Variants in TBC1D12 observed in about 807,000 individuals in gnomAD.
TBC1D12 encodes the protein TBC1 domain family member 12.
In TBC1D12, 56 loss-of-function variants were observed where a neutral mutation model predicts 86.7. That is an observed-to-expected ratio of 0.65 (90% CI 0.52 to 0.81). The LOEUF is 0.81. TBC1D12 is among the 30% of genes least tolerant of loss of function. The pLI, the probability that TBC1D12 is intolerant of heterozygous loss-of-function variation, is 0.00. For synonymous variants in TBC1D12, 421 were observed against 411.7 expected (o/e 1.02, Z -0.27); for missense variants, 1,023 against 1,038.8 (o/e 0.98, Z 0.21).
At chr10:94,509,763 T>C (rs572484657) in intron 7 of TBC1D12, 1 of 259,932 alleles carries the variant, frequency 3.8e-6, no homozygotes, top group East Asian at 1.5e-4. Context: ...GATCTCTCTG[T>C]GTCCATAGCT....
intron 2 of TBC1D12, among the ~76,000 whole-genome samples, chr10:94,451,713 A>G (rs1397715045): frequency 1.3e-5 from 2 of 152,132 alleles, no homozygotes; most frequent in African/African-American, 4.8e-5. Context: ...AACAGGTGAT[A>G]TCTTATCTCT....
At chr10:94,476,432 G>A (rs2055989612) in intron 3 of TBC1D12, among the ~76,000 whole-genome samples, 2 of 152,132 alleles carry the variant, frequency 1.3e-5, no homozygotes, top group South Asian at 4.2e-4. Flanking sequence ...ACTTAGTTAT[G>A]AGAACATGTG....
intron 11 of TBC1D12, among the ~76,000 whole-genome samples, chr10:94,530,236 C>G (rs1244126109): frequency 6.6e-6 from 1 of 152,166 alleles, no homozygotes; most frequent in East Asian, 1.9e-4. Context: ...CCCCACTTCC[C>G]CCAACCAGAA....
chr10:94,454,661 T>G (rs553515093), intron 2 of TBC1D12, among the ~76,000 whole-genome samples: 6 of 152,330 alleles, frequency 3.9e-5, no homozygotes, highest in Non-Finnish European at 8.8e-5. Context: ...GGTAATGTGT[T>G]TTACATTTTA....
intron 6 of TBC1D12, among the ~76,000 whole-genome samples, chr10:94,506,466 C>G (rs527263792): frequency 2.0e-5 from 3 of 152,124 alleles, no homozygotes; most frequent in Non-Finnish European, 1.5e-5. Flanking sequence ...TTGGGCAAGA[C>G]GTATTTTTTC....
Position 94,498,866 on chromosome 10 carries a change from C to T in TBC1D12, c.1413-1355C>T, listed in dbSNP as rs141584068. On this transcript the variant is annotated intron_variant, in intron 5 of 12. Coordinates refer to ENST00000225235, the MANE Select transcript of TBC1D12 (RefSeq NM_015188.2). ...TCACCGCAACCCCGACCTCCCTGGGCTCAGGTGATCCTCCTGCCTCAGCCT... is the reference window on the plus strand; with the variant it reads ...TCACCGCAACCCCGACCTCCCTGGGTTCAGGTGATCCTCCTGCCTCAGCCT... Among the ~76,000 whole-genome samples, 538 of 151,956 alleles carry T rather than the reference C, an allele frequency of 3.5e-3. 2 individuals are homozygous for T. The highest frequency in any genetic ancestry group is 0.012 in the African/African-American group (487 of 41,450).
intron 2 of TBC1D12, among the ~76,000 whole-genome samples, chr10:94,448,037 A>G (rs1214852599): frequency 6.6e-6 from 1 of 151,910 alleles, no homozygotes; most frequent in East Asian, 1.9e-4. Flanking sequence ...TACACATGCC[A>G]TTTTCTGGTA....
intron 2 of TBC1D12, among the ~76,000 whole-genome samples, chr10:94,467,655 C>T (rs1207682760): frequency 6.6e-6 from 1 of 151,792 alleles, no homozygotes; most frequent in African/African-American, 2.4e-5. Context: ...CACTCCCCCT[C>T]TTTTTTTTAA....
In TBC1D12 at chr10:94,405,284, C is replaced by T. The variant is rs1275042376; in HGVS notation, c.971+1700C>T. ...AAGTTTTAGCAGGTTATACAATTAG[C>T]GTACATATTGTAGACATAAAGGCAC... On this transcript the variant is annotated intron_variant, in intron 1 of 12. Transcript: ENST00000225235. 4.6e-5 allele frequency among the ~76,000 whole-genome samples: 7 copies of T among 151,968 alleles called. No individual in the cohort carries two copies. In the South Asian group the frequency reaches 1.0e-3, roughly 23 times the overall value.
intron 1 of TBC1D12, among the ~76,000 whole-genome samples, chr10:94,407,008 G>C (rs72814658): frequency 1.3e-5 from 2 of 150,446 alleles, no homozygotes; most frequent in African/African-American, 4.9e-5. Flanking sequence ...TTCCCACTTC[G>C]TTCTTCTCTT....
At chr10:94,523,807 A>C (rs1037408444) in intron 11 of TBC1D12, among the ~76,000 whole-genome samples, 1 of 152,144 alleles carries the variant, frequency 6.6e-6, no homozygotes, top group Non-Finnish European at 1.5e-5. Flanking sequence ...TACAAAAAAT[A>C]AAAATAAAAA....
At position 94,441,975 on chromosome 10, in the gene TBC1D12, C is replaced by T; in HGVS notation, c.1051C>T (p.Pro351Ser). 6.2e-7 allele frequency: 1 copy of T among 1,613,216 alleles called. No homozygotes were observed. Among genetic ancestry groups the T allele is most frequent in the South Asian group, 1.1e-5 (1 of 91,016 alleles). Residue 351 changes from proline to serine, a missense_variant, in exon 2 of 13, where the codon CCT becomes TCT. Around this residue, in one of 2 missense-constraint regions of TBC1D12, gnomAD observed 628 missense variants for 531.1 expected, o/e 1.18. Transcript: ENST00000225235. Reference protein sequence around the residue: ...APGWKLFGKVPPRENLQKTSK... With the variant: ...APGWKLFGKVSPRENLQKTSK... ...TGGTTGGAAATTATTTGGTAAAGTCCCTCCTAGAGAGAATCTTCAGAAAAC... is the reference window on the plus strand; with the variant it reads ...TGGTTGGAAATTATTTGGTAAAGTCTCTCCTAGAGAGAATCTTCAGAAAAC...
intron 2 of TBC1D12, among the ~76,000 whole-genome samples, chr10:94,444,601 A>T (rs922834676): frequency 6.6e-6 from 1 of 152,200 alleles, no homozygotes; most frequent in African/African-American, 2.4e-5. Flanking sequence ...ATCTTTATAT[A>T]AACTAATGTT....
intron 1 of TBC1D12, among the ~76,000 whole-genome samples, chr10:94,430,743 T>TTGTATTAGTAGGCCTTTTCC (rs1350805001): frequency 6.6e-6 from 1 of 152,126 alleles, no homozygotes; most frequent in East Asian, 1.9e-4. Flanking sequence ...AGGGAAATGG[T>TTGTATTAGTAGGCCTTTTCC]TGTATTAGTA....
chr10:94,502,529 A>G (rs913410723), intron 6 of TBC1D12, among the ~76,000 whole-genome samples: 15 of 151,718 alleles, frequency 9.9e-5, no homozygotes, highest in African/African-American at 3.6e-4. Flanking sequence ...ACATAGCGAG[A>G]CCCCGTCTCT....
intron 2 of TBC1D12, among the ~76,000 whole-genome samples, chr10:94,452,989 G>A (rs1187285508): frequency 1.3e-5 from 2 of 152,154 alleles, no homozygotes; most frequent in African/African-American, 2.4e-5. Context: ...TAGCTGTGTG[G>A]TGGTGTCTCA....
intron 2 of TBC1D12, among the ~76,000 whole-genome samples, chr10:94,457,801 T>C (rs564572666): frequency 3.3e-5 from 5 of 152,314 alleles, no homozygotes; most frequent in East Asian, 3.9e-4. Flanking sequence ...ACTTCTTTTT[T>C]TAAAACTTTT....
chr10:94,491,066 G>T (rs556164114), intron 3 of TBC1D12, among the ~76,000 whole-genome samples: 5 of 152,170 alleles, frequency 3.3e-5, no homozygotes, highest in African/African-American at 1.2e-4. Context: ...ACCTGGAAAT[G>T]TCAGGTACTT....
At chr10:94,428,767 G>A (rs942859302) in intron 1 of TBC1D12, among the ~76,000 whole-genome samples, 2 of 151,998 alleles carry the variant, frequency 1.3e-5, no homozygotes, top group East Asian at 3.9e-4. Flanking sequence ...CTGGAGTGCA[G>A]TGGTGCCATC....
Sources: gnomAD v4.1 joint callset for allele counts (sites outside exome capture counted in the v4.1 genomes callset) on GRCh38, gnomAD v4.1.1 for gene constraint, gnomAD v4.1.1 regional missense constraint, MANE v1.5 for transcripts, NCBI Gene and HGNC (gene_info 2026-07-23, HGNC 2026-07-21) for gene names.